Variants in DAB1 observed in about 807,000 individuals in gnomAD.
The protein encoded by DAB1 is disabled homolog 1.
Under a neutral mutation model 64.6 loss-of-function variants are expected in DAB1, and 15 were observed. That is an observed-to-expected ratio of 0.23 (90% CI 0.16 to 0.36). DAB1 has a LOEUF of 0.36. Among genes scored for constraint, DAB1 ranks in the 10% least tolerant of loss-of-function variants. DAB1 has a pLI of 1.00. For missense variants in DAB1, 596 were observed against 706.7 expected (o/e 0.84, Z 1.78); for synonymous variants, 235 against 251.9 (o/e 0.93, Z 0.64).
chr1:57,243,823 C>T (rs1244006220), intron 2 of DAB1, among the ~76,000 whole-genome samples: 2 of 152,192 alleles, frequency 1.3e-5, no homozygotes, highest in African/African-American at 2.4e-5. Context: ...AACAACCACA[C>T]AGGAGCCCTA....
chr1:57,313,763 C>A (rs1674942573), intron 1 of DAB1, among the ~76,000 whole-genome samples: 1 of 152,184 alleles, frequency 6.6e-6, no homozygotes, highest in African/African-American at 2.4e-5. Flanking sequence ...CCTCTTCCTG[C>A]AAACACACAG....
At chr1:58,481,611 T>C (rs1437445857) in intron 3 of DAB1, among the ~76,000 whole-genome samples, 1 of 152,058 alleles carries the variant, frequency 6.6e-6, no homozygotes, top group Non-Finnish European at 1.5e-5. Context: ...CAGTCTTGGG[T>C]AAAATTGATG....
intron 4 of DAB1, among the ~76,000 whole-genome samples, chr1:57,074,150 G>A (rs977612681): frequency 2.6e-5 from 4 of 152,154 alleles, no homozygotes; most frequent in African/African-American, 9.7e-5. Context: ...AATTACAGGT[G>A]CGAACCACTG....
At chr1:58,359,773 C>T (rs1024773188) in intron 3 of DAB1, among the ~76,000 whole-genome samples, 7 of 151,844 alleles carry the variant, frequency 4.6e-5, no homozygotes, top group South Asian at 2.1e-4. Context: ...TCTGGCTCAA[C>T]GTTGCCACTG....
chr1:57,762,007 C>T (rs1649110722), intron 6 of DAB1, among the ~76,000 whole-genome samples: 1 of 152,170 alleles, frequency 6.6e-6, no homozygotes, highest in Non-Finnish European at 1.5e-5. Flanking sequence ...TATCAGCTGC[C>T]ATGGACAGAG....
At chr1:57,464,438 A>G (rs1457062328) in intron 7 of DAB1, among the ~76,000 whole-genome samples, 2 of 152,076 alleles carry the variant, frequency 1.3e-5, no homozygotes, top group African/African-American at 4.8e-5. Context: ...ACTACCTCTC[A>G]CAGCGCATGT....
intron 7 of DAB1, among the ~76,000 whole-genome samples, chr1:57,434,504 A>G (rs1214876994): frequency 1.3e-5 from 2 of 152,266 alleles, no homozygotes; most frequent in African/African-American, 4.8e-5. Context: ...GGAAAGGGGT[A>G]GAAGGAACTT....
intron 1 of DAB1, among the ~76,000 whole-genome samples, chr1:58,539,932 T>C (rs78372776): frequency 0.018 from 2,796 of 152,198 alleles, 54 homozygotes; most frequent in East Asian, 0.12. Flanking sequence ...AGACAAGAGC[T>C]GCACAGAGAA....
intron 6 of DAB1, among the ~76,000 whole-genome samples, chr1:57,655,428 G>A (rs10889061): frequency 0.31 from 46,471 of 151,838 alleles, 7,414 homozygotes; most frequent in African/African-American, 0.38. Flanking sequence ...TCATCCATCC[G>A]TCCAACCTTC....
At chr1:57,632,306 G>A (rs1278025775) in intron 7 of DAB1, among the ~76,000 whole-genome samples, 6 of 152,136 alleles carry the variant, frequency 3.9e-5, no homozygotes, top group Admixed American at 1.3e-4. Flanking sequence ...AAATTAAAGT[G>A]TTATTAGAAA....
At chr1:58,056,387 T>G (rs1445631209) in intron 5 of DAB1, 16 of 1,578,280 alleles carry the variant, frequency 1.0e-5, no homozygotes, top group Non-Finnish European at 1.4e-5. Context: ...GCCTTGTCCT[T>G]GGGCACGCAT....
intron 5 of DAB1, among the ~76,000 whole-genome samples, chr1:58,096,249 G>A (rs927047159): frequency 6.6e-6 from 1 of 152,248 alleles, no homozygotes; most frequent in African/African-American, 2.4e-5. Flanking sequence ...GCCTCTGGCA[G>A]TATTATCCCT....
chr1:58,448,564 G>A (rs923470595), intron 3 of DAB1, among the ~76,000 whole-genome samples: 2 of 152,206 alleles, frequency 1.3e-5, no homozygotes, highest in African/African-American at 4.8e-5. Context: ...TCCAAGATGG[G>A]GGGCTGGCCC....
intron 4 of DAB1, among the ~76,000 whole-genome samples, chr1:57,117,348 T>C (rs775115314): frequency 1.3e-5 from 2 of 152,198 alleles, no homozygotes; most frequent in Non-Finnish European, 2.9e-5. Flanking sequence ...TTATATCACA[T>C]TGGAGCCGCA....
At chr1:57,525,097 T>C (rs1644575685) in intron 7 of DAB1, among the ~76,000 whole-genome samples, 1 of 152,204 alleles carries the variant, frequency 6.6e-6, no homozygotes, top group Non-Finnish European at 1.5e-5. Context: ...GGATCAAAAA[T>C]TGTACCTCCT....
intron 2 of DAB1, among the ~76,000 whole-genome samples, chr1:57,161,030 C>T (rs1458318732): frequency 6.6e-6 from 1 of 152,110 alleles, no homozygotes; most frequent in East Asian, 1.9e-4. Context: ...CTTCACTCCT[C>T]CAGCGGTTCT....
At chr1:58,312,197 A>C (rs1378483437) in intron 4 of DAB1, among the ~76,000 whole-genome samples, 1 of 152,232 alleles carries the variant, frequency 6.6e-6, no homozygotes, top group Non-Finnish European at 1.5e-5. Flanking sequence ...AGACATCCTA[A>C]GAGAGCAGGG....
intron 6 of DAB1, among the ~76,000 whole-genome samples, chr1:57,779,988 A>T (rs897199984): frequency 6.6e-6 from 1 of 152,194 alleles, no homozygotes; most frequent in African/African-American, 2.4e-5. Flanking sequence ...ATCTTGAGAT[A>T]GGAGAACGAT....
chr1:58,114,659 A>G (rs1652210027), intron 5 of DAB1, among the ~76,000 whole-genome samples: 1 of 152,208 alleles, frequency 6.6e-6, no homozygotes, highest in African/African-American at 2.4e-5. Context: ...AGAGACTATA[A>G]AGCCACAAAG....
Sources: allele counts gnomAD v4.1 joint callset (sites outside exome capture counted in the v4.1 genomes callset), GRCh38; gene constraint gnomAD v4.1.1; transcripts MANE v1.5; gene names NCBI Gene and HGNC (gene_info 2026-07-23, HGNC 2026-07-21).